The following VPS13B variants were observed in gnomAD, a reference collection of about 807,000 sequenced individuals.
The protein encoded by VPS13B is vacuolar protein sorting 13 homolog B, also known as intermembrane lipid transfer protein VPS13B.
In VPS13B, 285 loss-of-function variants were observed where a neutral mutation model predicts 426.4. The observed-to-expected ratio is 0.67, with a 90% confidence interval of 0.61 to 0.74. The LOEUF is 0.74. VPS13B is among the 30% of genes least tolerant of loss of function. VPS13B has a pLI of 0.00. For missense variants in VPS13B, 4,537 were observed against 4,782.6 expected, an observed-to-expected ratio of 0.95 and a Z score of 1.51; for synonymous variants, 1,676 against 1,676.4, an observed-to-expected ratio of 1.00 and a Z score of 0.01.
chr8:99,832,972 A>C (rs1423180218), intron 52 of VPS13B, among the ~76,000 whole-genome samples: 1 of 152,262 alleles, frequency 6.6e-6, no homozygotes, highest in Non-Finnish European at 1.5e-5. Flanking sequence ...AGATCATATC[A>C]TAATGAAAAA....
intron 12 of VPS13B, among the ~76,000 whole-genome samples, chr8:99,137,772 G>A (rs1272747471): frequency 6.6e-6 from 1 of 152,026 alleles, no homozygotes; most frequent in African/African-American, 2.4e-5. Flanking sequence ...ATATGTTGTT[G>A]ATACTCAAAT....
chr8:99,530,326 A>G (rs969545087), intron 30 of VPS13B, among the ~76,000 whole-genome samples: 1 of 152,142 alleles, frequency 6.6e-6, no homozygotes, highest in Non-Finnish European at 1.5e-5. Context: ...TAATAGTAGC[A>G]GCAGTAGGCT....
At chr8:99,838,798 C>G (rs1331019867) in intron 54 of VPS13B, among the ~76,000 whole-genome samples, 1 of 152,172 alleles carries the variant, frequency 6.6e-6, no homozygotes, top group Non-Finnish European at 1.5e-5. Flanking sequence ...TACTGAGAGA[C>G]CTTGCCTCTG....
intron 17 of VPS13B, among the ~76,000 whole-genome samples, chr8:99,215,956 T>C (rs1815370535): frequency 6.6e-6 from 1 of 152,196 alleles, no homozygotes; most frequent in Non-Finnish European, 1.5e-5. Context: ...GTCTTTTTTG[T>C]AGTGTTCTTA....
intron 50 of VPS13B, among the ~76,000 whole-genome samples, chr8:99,823,601 C>G (rs993167220): frequency 7.9e-5 from 12 of 152,262 alleles, no homozygotes; most frequent in Admixed American, 7.8e-4. Flanking sequence ...TACAGAACAG[C>G]AGCAAAAGTA....
chr8:99,807,421 A>ATT (rs35086154), intron 43 of VPS13B, among the ~76,000 whole-genome samples: 170 of 145,860 alleles, frequency 1.2e-3, no homozygotes, highest in African/African-American at 3.2e-3. Context: ...TTGCCTCATT[A>ATT]TTTTTTTTTT....
chr8:99,581,871 C>T (rs1055475472), intron 33 of VPS13B, among the ~76,000 whole-genome samples: 1 of 152,224 alleles, frequency 6.6e-6, no homozygotes, highest in African/African-American at 2.4e-5. Flanking sequence ...ATCTAGCTCG[C>T]TGCGATAGTT....
chr8:99,161,178 T>A (rs1311529209), intron 15 of VPS13B, among the ~76,000 whole-genome samples: 1 of 152,242 alleles, frequency 6.6e-6, no homozygotes, highest in Admixed American at 6.5e-5. Flanking sequence ...TAAGCTTTAT[T>A]TATTGTCACA....
intron 30 of VPS13B, among the ~76,000 whole-genome samples, chr8:99,540,215 G>T (rs2133723577): frequency 6.7e-6 from 1 of 148,554 alleles, no homozygotes. Context: ...AAGTAGCTGG[G>T]ACTACAGGCA....
rs373968888 is a variant in VPS13B at position 99,835,227 on chromosome 8, C to T, written c.9645C>T (p.Leu3215=). The T allele has an allele frequency of 1.1e-4, 170 of 1,613,796 alleles. No homozygotes were observed. Among genetic ancestry groups the T allele is most frequent in the Non-Finnish European group, 1.4e-4 (164 of 1,179,954 alleles). ...RAIVLTYQEH[L]GVTYLTLSED... ...TAGTGCTGACATATCAAGAACACCT[C>T]GGAGTGACTTATTTAACCCTCTCAG... The change falls in exon 53 of 62, where the codon CTC becomes CTT. Residue 3215 remains leucine (L), a synonymous_variant. Transcript: ENST00000357162.
chr8:99,120,842 T>C (rs1418487079), intron 7 of VPS13B, among the ~76,000 whole-genome samples: 1 of 152,164 alleles, frequency 6.6e-6, no homozygotes, highest in Non-Finnish European at 1.5e-5. Context: ...GAGGTAGGTT[T>C]TTTGTTGTTG....
chr8:99,734,102 A>G (rs929741401), intron 39 of VPS13B, among the ~76,000 whole-genome samples: 7 of 152,216 alleles, frequency 4.6e-5, no homozygotes, highest in African/African-American at 1.4e-4. Context: ...GACATTTCAC[A>G]TAAGTGGAAT....
intron 2 of VPS13B, among the ~76,000 whole-genome samples, chr8:99,026,360 C>G (rs534325365): frequency 6.6e-6 from 1 of 152,126 alleles, no homozygotes; most frequent in Non-Finnish European, 1.5e-5. Flanking sequence ...AGAAAAGAAA[C>G]TTGATATGAC....
At chr8:99,226,257 C>T (rs966029641) in intron 17 of VPS13B, among the ~76,000 whole-genome samples, 2 of 152,094 alleles carry the variant, frequency 1.3e-5, no homozygotes, top group Non-Finnish European at 2.9e-5. Flanking sequence ...CAAAATCTTC[C>T]CTACTCTCAT....
chr8:99,339,399 A>G (rs1047472348), intron 19 of VPS13B, among the ~76,000 whole-genome samples: 3 of 151,782 alleles, frequency 2.0e-5, no homozygotes, highest in African/African-American at 4.8e-5. Context: ...GAAAGAGAGA[A>G]TGGAGGGGGA....
chr8:99,477,622 A>T (rs892798854), intron 24 of VPS13B, among the ~76,000 whole-genome samples: 2 of 152,212 alleles, frequency 1.3e-5, no homozygotes, highest in African/African-American at 4.8e-5. Context: ...CAGAATTGTG[A>T]CCCTTGTACA....
At chr8:99,223,266 A>G (rs1815830826) in intron 17 of VPS13B, among the ~76,000 whole-genome samples, 1 of 152,230 alleles carries the variant, frequency 6.6e-6, no homozygotes, top group African/African-American at 2.4e-5. Context: ...TAATAGTGGA[A>G]TAAAAGTTTG....
At chr8:99,013,666 T>G in intron 1 of VPS13B, 94 bp from the exon 2 acceptor site, 1 of 1,222,058 alleles carries the variant, frequency 8.2e-7, no homozygotes. Flanking sequence ...GAACGGCCGC[T>G]TTGGTGGGGA....
rs530326040 is a variant in VPS13B, at chr8:99,380,822, A to G, written c.2825-3386A>G. ...TTATCCTGAGAACCAGCTATGGTTT[A>G]TTCTGACATATACTTTTTGTAGCCC... On this transcript the variant is annotated intron_variant, in intron 19 of 61. Coordinates refer to ENST00000357162, the MANE Select transcript of VPS13B (RefSeq NM_152564.5). Among the ~76,000 whole-genome samples, 5 of 151,510 alleles carry G rather than the reference A, an allele frequency of 3.3e-5. No individual in the cohort carries two copies. In the South Asian group the frequency reaches 1.0e-3, roughly 32 times the overall value.
Sources: allele counts gnomAD v4.1 joint callset (sites outside exome capture counted in the v4.1 genomes callset), GRCh38; gene constraint gnomAD v4.1.1; transcripts MANE v1.5; gene names NCBI Gene and HGNC (gene_info 2026-07-23, HGNC 2026-07-21).